The following MAF variants were observed in gnomAD, a reference collection of about 807,000 sequenced individuals.
MAF encodes MAF bZIP transcription factor, also known as transcription factor Maf.
MAF carries 10 observed loss-of-function variants against 22.0 expected under a neutral mutation model. The ratio of observed to expected loss-of-function variants is 0.45; its 90% CI spans 0.28 to 0.77. The LOEUF (loss-of-function observed/expected upper bound fraction) is 0.77, where lower values mean the gene tolerates loss of function less well. Among genes scored for constraint, MAF ranks in the 30% least tolerant of loss-of-function variants. MAF has a pLI of 0.12. For synonymous variants in MAF, 337 were observed against 255.8 expected, an observed-to-expected ratio of 1.32 and a Z score of -3.03; for missense variants, 544 against 548.4, an observed-to-expected ratio of 0.99 and a Z score of 0.08.
the MAF span, among the ~76,000 whole-genome samples, chr16:79,210,437 A>T: frequency 6.6e-6 from 1 of 152,184 alleles, no homozygotes; most frequent in African/African-American, 2.4e-5. Flanking sequence ...TAAACCCTGC[A>T]GGGGCAGAAA....
At chr16:79,350,795 A>C in the MAF span, among the ~76,000 whole-genome samples, 2 of 151,894 alleles carry the variant, frequency 1.3e-5, no homozygotes, top group Non-Finnish European at 1.5e-5. Context: ...AAGAAATACA[A>C]AGTTGAATGT....
At chr16:79,593,154 T>C (rs1251367140), downstream of MAF, among the ~76,000 whole-genome samples, 1 of 152,168 alleles carries the variant, frequency 6.6e-6, no homozygotes, top group Non-Finnish European at 1.5e-5. Context: ...TTAAATATAT[T>C]GATTGGCCTA....
the MAF span, among the ~76,000 whole-genome samples, chr16:79,315,265 T>G: frequency 6.6e-6 from 1 of 152,004 alleles, no homozygotes. Flanking sequence ...CATATCAGGG[T>G]GATAAGTGTA....
chr16:79,329,524 G>A, the MAF span, among the ~76,000 whole-genome samples: 233 of 152,084 alleles, frequency 1.5e-3, 1 homozygote, highest in African/African-American at 4.5e-3. Flanking sequence ...CAAAATCTCC[G>A]TCTAGAGTCC....
chr16:79,367,696 G>A, the MAF span, among the ~76,000 whole-genome samples: 1 of 152,110 alleles, frequency 6.6e-6, no homozygotes, highest in Non-Finnish European at 1.5e-5. Context: ...TGAATTTTCA[G>A]TTTCACTTAA....
the MAF span, among the ~76,000 whole-genome samples, chr16:79,382,893 A>C: frequency 6.6e-6 from 1 of 152,252 alleles, no homozygotes; most frequent in Non-Finnish European, 1.5e-5. Flanking sequence ...AACACTTTGC[A>C]AAGTAGTACT....
At chr16:79,405,184 C>T in the MAF span, among the ~76,000 whole-genome samples, 2 of 152,076 alleles carry the variant, frequency 1.3e-5, no homozygotes, top group Non-Finnish European at 2.9e-5. Flanking sequence ...TCCTAGGACC[C>T]CAGGGGAGAA....
the MAF span, among the ~76,000 whole-genome samples, chr16:79,327,961 G>A: frequency 6.6e-6 from 1 of 152,148 alleles, no homozygotes; most frequent in Non-Finnish European, 1.5e-5. Flanking sequence ...TAGCTTTGCT[G>A]TTTCCTTAAT....
intron 1 of MAF, 169 bp from the exon 2 acceptor site, chr16:79,594,722 A>C (rs76419131): frequency 1.3e-5 from 19 of 1,429,452 alleles, no homozygotes; most frequent in Admixed American, 1.1e-4. Context: ...GAAAAAAAAA[A>C]CATGTATTTG....
the MAF span, among the ~76,000 whole-genome samples, chr16:79,431,803 G>T: frequency 6.6e-6 from 1 of 152,128 alleles, no homozygotes; most frequent in Non-Finnish European, 1.5e-5. Flanking sequence ...TTGTGGAAAG[G>T]GATCCTGAGA....
the MAF span, among the ~76,000 whole-genome samples, chr16:79,277,853 A>G: frequency 6.6e-6 from 1 of 152,198 alleles, no homozygotes; most frequent in East Asian, 1.9e-4. Context: ...TCTGGTCTTT[A>G]GGAGGCATTA....
At chr16:79,573,780 G>A in the MAF span, among the ~76,000 whole-genome samples, 10 of 152,188 alleles carry the variant, frequency 6.6e-5, no homozygotes, top group Admixed American at 6.5e-4. Flanking sequence ...CATTTAACAG[G>A]CTGTCCAGGA....
At chr16:79,480,336 T>TTC in the MAF span, among the ~76,000 whole-genome samples, 1 of 151,656 alleles carries the variant, frequency 6.6e-6, no homozygotes, top group Non-Finnish European at 1.5e-5. Context: ...ATTTTTTTTT[T>TTC]CATTCTTTTG....
the MAF span, among the ~76,000 whole-genome samples, chr16:79,445,639 C>G: frequency 6.6e-6 from 1 of 152,296 alleles, no homozygotes; most frequent in Non-Finnish European, 1.5e-5. Flanking sequence ...TGAATATCTT[C>G]CATGGAGTCA....
At chr16:79,552,966 C>T in the MAF span, among the ~76,000 whole-genome samples, 5 of 152,250 alleles carry the variant, frequency 3.3e-5, no homozygotes, top group Non-Finnish European at 7.3e-5. Context: ...GGGCCTCACA[C>T]TTCCCTGAGG....
At chr16:79,291,793 T>G in the MAF span, among the ~76,000 whole-genome samples, 1 of 147,156 alleles carries the variant, frequency 6.8e-6, no homozygotes, top group Admixed American at 6.9e-5. Context: ...TGGTAGGAAC[T>G]GAGCTAGAAA....
At chr16:79,251,349 C>G in the MAF span, among the ~76,000 whole-genome samples, 1 of 119,004 alleles carries the variant, frequency 8.4e-6, no homozygotes, top group East Asian at 2.3e-4. Context: ...GAGTTTTGCT[C>G]TTGTCACCCA....
chr16:79,447,113 G>T, the MAF span, among the ~76,000 whole-genome samples: 2 of 152,072 alleles, frequency 1.3e-5, no homozygotes, highest in Non-Finnish European at 2.9e-5. Flanking sequence ...TGACAACATG[G>T]GTGTCTTTGG....
the MAF span, among the ~76,000 whole-genome samples, chr16:79,289,622 T>C: frequency 6.6e-6 from 1 of 152,230 alleles, no homozygotes; most frequent in Admixed American, 6.5e-5. Context: ...CCTTCCACTG[T>C]GGCCATATGG....
Sources: gnomAD v4.1 joint callset for allele counts (sites outside exome capture counted in the v4.1 genomes callset) on GRCh38, gnomAD v4.1.1 for gene constraint, MANE v1.5 for transcripts, NCBI Gene and HGNC (gene_info 2026-07-23, HGNC 2026-07-21) for gene names.